The following C10orf90 variants were observed in gnomAD, a reference collection of about 807,000 sequenced individuals.
C10orf90 encodes the protein chromosome 10 open reading frame 90, also known as (E2-independent) E3 ubiquitin-conjugating enzyme FATS.
In C10orf90, 56 loss-of-function variants were observed where a neutral mutation model predicts 62.5. The ratio of observed to expected loss-of-function variants is 0.90; its 90% CI spans 0.72 to 1.12. The LOEUF (loss-of-function observed/expected upper bound fraction) is 1.12, where lower values mean the gene tolerates loss of function less well. Ranked by LOEUF, C10orf90 falls within the 50% of genes most tolerant of loss-of-function variation. The probability of loss-of-function intolerance (pLI) is 0.00; values close to 1 mark genes in which losing one functional copy is unlikely to be tolerated. For missense variants in C10orf90, 970 were observed against 880.4 expected, an observed-to-expected ratio of 1.10 and a Z score of -1.29; for synonymous variants, 386 against 340.4, an observed-to-expected ratio of 1.13 and a Z score of -1.47.
intron 2 of C10orf90, among the ~76,000 whole-genome samples, chr10:126,610,277 A>G (rs1845404952): frequency 6.6e-6 from 1 of 152,102 alleles, no homozygotes; most frequent in African/African-American, 2.4e-5. Context: ...TGGGCCCTTT[A>G]TGGGCTGGCT....
chr10:126,647,568 T>C (rs1182056417), intron 1 of C10orf90, among the ~76,000 whole-genome samples: 2 of 152,164 alleles, frequency 1.3e-5, no homozygotes, highest in African/African-American at 4.8e-5. Context: ...CCCGATCCCA[T>C]AGTGGAAGAG....
At chr10:126,541,657 A>G (rs1428229646) in intron 2 of C10orf90, among the ~76,000 whole-genome samples, 1 of 152,240 alleles carries the variant, frequency 6.6e-6, no homozygotes, top group East Asian at 1.9e-4. Context: ...TACCACTTCC[A>G]ACCCACTAAA....
intron 7 of C10orf90, among the ~76,000 whole-genome samples, chr10:126,449,743 A>T (rs1195131444): frequency 1.3e-5 from 2 of 152,168 alleles, no homozygotes; most frequent in Admixed American, 1.3e-4. Flanking sequence ...TCATGCCTGT[A>T]ATCCCAGCAC....
intron 7 of C10orf90, among the ~76,000 whole-genome samples, chr10:126,458,470 A>G (rs1455652599): frequency 6.6e-6 from 1 of 152,100 alleles, no homozygotes; most frequent in Non-Finnish European, 1.5e-5. Context: ...GAAGGGACTG[A>G]GGTTAGTCTT....
intron 7 of C10orf90, among the ~76,000 whole-genome samples, chr10:126,439,705 AT>A (rs1325041586): frequency 2.0e-5 from 3 of 152,230 alleles, no homozygotes; most frequent in Admixed American, 2.0e-4. Context: ...TAACAGACAA[AT>A]TAAGCAGAAG....
rs143722612 is a variant in C10orf90 at position 126,661,488 on chromosome 10, C to T, written c.240+8753G>A. ...GACCCAGTGCTCTTTCTCTTAATCA[C>T]ACCACCACCTGTCATCTGCCATCTC... On this transcript the variant is annotated intron_variant, in intron 1 of 9. Transcript: ENST00000488181. 2.0e-3 allele frequency among the ~76,000 whole-genome samples: 311 copies of T among 152,308 alleles called. 4 individuals are homozygous for T. The South Asian group carries it at 0.022, about 11-fold the overall frequency.
At chr10:126,524,616 T>C (rs1427654733) in intron 2 of C10orf90, 14 of 985,318 alleles carry the variant, frequency 1.4e-5, no homozygotes, top group Non-Finnish European at 8.4e-6. Context: ...CAGCATGATA[T>C]GCTGGGAGGG....
At chr10:126,464,609 A>G in intron 5 of C10orf90, 87 bp downstream of exon 5, 1 of 1,340,216 alleles carries the variant, frequency 7.5e-7, no homozygotes, top group Non-Finnish European at 1.0e-6. Flanking sequence ...GAACGGTGAC[A>G]GTATGCACGA....
intron 2 of C10orf90, among the ~76,000 whole-genome samples, chr10:126,620,752 A>T (rs940249683): frequency 6.6e-6 from 1 of 152,048 alleles, no homozygotes; most frequent in Non-Finnish European, 1.5e-5. Context: ...AGAAAAAAAA[A>T]AAAAGCTAGA....
At chr10:126,647,526 T>C (rs1306078347) in intron 1 of C10orf90, among the ~76,000 whole-genome samples, 1 of 152,216 alleles carries the variant, frequency 6.6e-6, no homozygotes, top group African/African-American at 2.4e-5. Flanking sequence ...AGTCAAGCAC[T>C]TCTTCCATCC....
chr10:126,455,457 A>T (rs1003339760), intron 7 of C10orf90, among the ~76,000 whole-genome samples: 1 of 152,100 alleles, frequency 6.6e-6, no homozygotes, highest in Admixed American at 6.5e-5. Context: ...TCCTATGACC[A>T]TTGCCTCTTC....
At chr10:126,669,870 C>T (rs991867079) in intron 1 of C10orf90, among the ~76,000 whole-genome samples, 20 of 152,124 alleles carry the variant, frequency 1.3e-4, no homozygotes, top group African/African-American at 4.6e-4. Flanking sequence ...TAGGAATTTG[C>T]TTTTAAAGAC....
intron 4 of C10orf90, 34 bp from the exon 5 acceptor site, chr10:126,465,020 C>T (rs1196655696): frequency 6.3e-7 from 1 of 1,583,494 alleles, no homozygotes; most frequent in Admixed American, 1.7e-5. Flanking sequence ...CTCAAAATCT[C>T]TTATGAATCC....
intron 6 of C10orf90, among the ~76,000 whole-genome samples, chr10:126,460,625 G>A (rs1027898847): frequency 4.6e-5 from 7 of 152,184 alleles, no homozygotes; most frequent in African/African-American, 1.7e-4. Context: ...ACAGCCTGGT[G>A]GCTCAGGTTT....
chr10:126,499,757 G>A (rs1287174621), intron 4 of C10orf90, among the ~76,000 whole-genome samples: 1 of 152,138 alleles, frequency 6.6e-6, no homozygotes, highest in Non-Finnish European at 1.5e-5. Context: ...TGAACTGACT[G>A]AGGGAGTTGC....
At position 126,488,165 on chromosome 10, in the gene C10orf90, T is replaced by C. The variant is rs118064689; in HGVS notation, c.1534+15792A>G. 1.6e-3 allele frequency among the ~76,000 whole-genome samples: 242 copies of C among 152,172 alleles called. 6 individuals carry two copies. In the East Asian group the frequency reaches 0.044, roughly 28 times the overall value. ...GAAATAAATCAACACATATCAGTTA[T>C]CAAAATAAATGTAAATGGCCTAAAT... On this transcript the variant is annotated intron_variant, in intron 4 of 9. Coordinates refer to ENST00000488181, the MANE Select transcript of C10orf90 (RefSeq NM_001350921.2).
chr10:126,652,379 T>C (rs960608676), intron 1 of C10orf90, among the ~76,000 whole-genome samples: 3 of 152,252 alleles, frequency 2.0e-5, no homozygotes, highest in Non-Finnish European at 4.4e-5. Flanking sequence ...TGTTAGGATC[T>C]GAATGAGGAT....
At chr10:126,612,135 A>G (rs986698848) in intron 2 of C10orf90, among the ~76,000 whole-genome samples, 3 of 152,184 alleles carry the variant, frequency 2.0e-5, no homozygotes, top group Non-Finnish European at 2.9e-5. Flanking sequence ...AGCCTGACCA[A>G]CATGGTGAAA....
chr10:126,463,393 C>T (rs1477962727), intron 5 of C10orf90: 2 of 152,288 alleles, frequency 1.3e-5, no homozygotes, highest in Non-Finnish European at 2.9e-5. Flanking sequence ...GCGCACGAGG[C>T]AGTAGTTTCC....
Sources: allele counts gnomAD v4.1 joint callset (sites outside exome capture counted in the v4.1 genomes callset), GRCh38; gene constraint gnomAD v4.1.1; transcripts MANE v1.5; gene names NCBI Gene and HGNC (gene_info 2026-07-23, HGNC 2026-07-21).